The following CDKAL1 variants were observed in gnomAD, a reference collection of about 807,000 sequenced individuals.
CDKAL1 encodes the protein CDKAL1 threonylcarbamoyladenosine tRNA methylthiotransferase.
Under a neutral mutation model 68.2 loss-of-function variants are expected in CDKAL1, and 32 were observed. The observed-to-expected ratio is 0.47, with a 90% CI of 0.35 to 0.63. CDKAL1 has a LOEUF of 0.63. Among genes scored for constraint, CDKAL1 ranks in the 30% least tolerant of loss-of-function variants. CDKAL1 has a pLI of 0.00. For synonymous variants in CDKAL1, 234 were observed against 244.3 expected (o/e 0.96, Z 0.39); for missense variants, 606 against 696.7 (o/e 0.87, Z 1.47).
At chr6:20,657,333 A>G (rs4712523) in intron 5 of CDKAL1, among the ~76,000 whole-genome samples, 61,243 of 151,950 alleles carry the variant, frequency 0.4, 13,587 homozygotes, top group African/African-American at 0.6. Context: ...TGTTGCACCC[A>G]ATCCTTTATA....
intron 11 of CDKAL1, among the ~76,000 whole-genome samples, chr6:21,047,037 A>AT (rs1770276565): frequency 1.3e-5 from 2 of 152,102 alleles, no homozygotes; most frequent in Non-Finnish European, 2.9e-5. Flanking sequence ...AAATGTTCTG[A>AT]TTAATTCTAA....
chr6:20,748,496 G>A (rs2819995), intron 6 of CDKAL1, among the ~76,000 whole-genome samples: 8,233 of 137,802 alleles, frequency 0.06, 274 homozygotes, highest in African/African-American at 0.099. Context: ...GCGAGTTGTT[G>A]TGATTGTGCC....
chr6:20,901,844 T>G (rs1761997516), intron 9 of CDKAL1, among the ~76,000 whole-genome samples: 2 of 151,754 alleles, frequency 1.3e-5, no homozygotes, highest in Non-Finnish European at 2.9e-5. Context: ...TGGCGCAATC[T>G]CAGCTCACTG....
intron 5 of CDKAL1, among the ~76,000 whole-genome samples, chr6:20,675,527 A>T (rs1428486340): frequency 6.6e-6 from 1 of 152,206 alleles, no homozygotes. Flanking sequence ...TGGTGGTTTC[A>T]TAAGATTATA....
chr6:21,171,794 G>C (rs1777399778), intron 13 of CDKAL1, among the ~76,000 whole-genome samples: 1 of 152,150 alleles, frequency 6.6e-6, no homozygotes, highest in Non-Finnish European at 1.5e-5. Flanking sequence ...CTGCCAAATT[G>C]CTTTTTAGAA....
At chr6:21,074,463 C>A (rs752456335) in intron 12 of CDKAL1, among the ~76,000 whole-genome samples, 9 of 152,288 alleles carry the variant, frequency 5.9e-5, no homozygotes, top group Middle Eastern at 3.4e-3. Context: ...TTCAGTATGA[C>A]TTTTTGTGGG....
chr6:20,749,073 A>G (rs1773801976), intron 6 of CDKAL1, among the ~76,000 whole-genome samples: 1 of 152,116 alleles, frequency 6.6e-6, no homozygotes, highest in Non-Finnish European at 1.5e-5. Context: ...AAATCAAGAG[A>G]TAGTAAAACC....
At position 20,995,173 on chromosome 6, in the gene CDKAL1, C is replaced by T. The variant is rs550736340; in HGVS notation, c.910-5054C>T. Among the ~76,000 whole-genome samples the T allele has an allele frequency of 4.6e-5, 7 of 152,310 alleles. No homozygotes were observed. The East Asian group carries it at 1.4e-3, about 29-fold the overall frequency. Reference sequence around the variant, plus strand: ...TCTAGTTGTTTTCCTGTTTCCACCACATCTGCACTTACTTTCTCCATTGAA... The same window carrying T: ...TCTAGTTGTTTTCCTGTTTCCACCATATCTGCACTTACTTTCTCCATTGAA... On this transcript the variant is annotated intron_variant, in intron 10 of 15. Coordinates refer to ENST00000274695, the MANE Select transcript of CDKAL1 (RefSeq NM_017774.3).
chr6:20,578,162 CT>C (rs1441978208), intron 4 of CDKAL1, among the ~76,000 whole-genome samples: 1 of 152,096 alleles, frequency 6.6e-6, no homozygotes, highest in African/African-American at 2.4e-5. Context: ...GATGCATTTG[CT>C]TTTTAAATTT....
chr6:20,937,603 C>CT (rs1429776847), intron 9 of CDKAL1, among the ~76,000 whole-genome samples: 2 of 152,180 alleles, frequency 1.3e-5, no homozygotes, highest in Admixed American at 1.3e-4. Context: ...GCCAGGTCTC[C>CT]TGTCTTTGTC....
intron 9 of CDKAL1, among the ~76,000 whole-genome samples, chr6:20,892,839 T>C (rs1201920867): frequency 6.6e-6 from 1 of 152,198 alleles, no homozygotes; most frequent in Non-Finnish European, 1.5e-5. Context: ...TAAGCATCTG[T>C]CAATAGAATC....
At chr6:21,111,036 G>T (rs1774095209) in intron 13 of CDKAL1, among the ~76,000 whole-genome samples, 1 of 152,070 alleles carries the variant, frequency 6.6e-6, no homozygotes, top group East Asian at 1.9e-4. Context: ...AAATAAGATT[G>T]CCCATGTGTT....
chr6:21,150,152 C>G (rs1257234991), intron 13 of CDKAL1, among the ~76,000 whole-genome samples: 2 of 152,200 alleles, frequency 1.3e-5, no homozygotes, highest in Non-Finnish European at 2.9e-5. Flanking sequence ...GCCACCGCAC[C>G]TGGCCTGTCC....
intron 11 of CDKAL1, among the ~76,000 whole-genome samples, chr6:21,022,708 C>G (rs1303609247): frequency 6.6e-6 from 1 of 152,186 alleles, no homozygotes; most frequent in Non-Finnish European, 1.5e-5. Flanking sequence ...TTTTACTGTG[C>G]TCAGACTTCA....
intron 5 of CDKAL1, among the ~76,000 whole-genome samples, chr6:20,726,993 C>T (rs113793860): frequency 1.4e-4 from 21 of 152,222 alleles, no homozygotes; most frequent in African/African-American, 4.3e-4. Context: ...AGTAGCTTAT[C>T]GGAAAAGAAT....
At position 20,879,129 on chromosome 6, in the gene CDKAL1, T is replaced by A. The variant is rs529218356; in HGVS notation, c.742+32951T>A. Among the ~76,000 whole-genome samples, 3 of 151,960 alleles carry A rather than the reference T, an allele frequency of 2.0e-5. No homozygotes were observed. The East Asian group carries it at 5.8e-4, about 29-fold the overall frequency. ...AAATAAATAAAAGAAGTATTCCCCATTGGTGATTGTACCAAAAGGATATAG... is the reference window on the plus strand; with the variant it reads ...AAATAAATAAAAGAAGTATTCCCCAATGGTGATTGTACCAAAAGGATATAG... On this transcript the variant is annotated intron_variant, in intron 9 of 15. Coordinates refer to ENST00000274695, the MANE Select transcript of CDKAL1 (RefSeq NM_017774.3).
intron 6 of CDKAL1, among the ~76,000 whole-genome samples, chr6:20,749,208 C>A (rs1416231790): frequency 6.6e-6 from 1 of 152,104 alleles, no homozygotes; most frequent in African/African-American, 2.4e-5. Context: ...ATTCTATTAA[C>A]CCTCCAGTGG....
At chr6:21,103,792 C>T (rs1329643039) in intron 12 of CDKAL1, among the ~76,000 whole-genome samples, 3 of 152,156 alleles carry the variant, frequency 2.0e-5, no homozygotes, top group South Asian at 2.1e-4. Context: ...AACATGTTTA[C>T]TTTTTAAATG....
chr6:20,955,597 C>T lies in CDKAL1; in HGVS notation c.909+12C>T. The T allele has an allele frequency of 6.2e-7, 1 of 1,612,966 alleles. No individual in the cohort carries two copies. The highest frequency in any genetic ancestry group is 1.7e-4 in the Middle Eastern group (1 of 6,050). ...TAGAGCATCTGGAGGTAAGGAAAAG[C>T]ACCCTATTTGCATGCTAACATAGAC... On this transcript the variant is annotated intron_variant, in intron 10 of 15. Transcript: ENST00000274695.
Sources: gnomAD v4.1 joint callset for allele counts (sites outside exome capture counted in the v4.1 genomes callset) on GRCh38, gnomAD v4.1.1 for gene constraint, MANE v1.5 for transcripts, NCBI Gene and HGNC (gene_info 2026-07-23, HGNC 2026-07-21) for gene names.